MFHAS1: variants seen among roughly 807,000 people sequenced by gnomAD.
MFHAS1 encodes the protein multifunctional ROCO family signaling regulator 1, also known as malignant fibrous histiocytoma-amplified sequence 1.
In MFHAS1, 50 loss-of-function variants were observed where a neutral mutation model predicts 70.4. That is an observed-to-expected ratio of 0.71 (90% confidence interval 0.57 to 0.90). The LOEUF (loss-of-function observed/expected upper bound fraction) is 0.90. Among genes scored for constraint, MFHAS1 ranks in the 40% least tolerant of loss-of-function variants. The pLI, the probability that MFHAS1 is intolerant of heterozygous loss-of-function variation, is 0.00. For missense variants in MFHAS1, 1,795 were observed against 1,347.6 expected (o/e 1.33, Z -5.20); for synonymous variants, 952 against 620.0 (o/e 1.54, Z -7.96).
chr8:8,888,351 C>A (rs1175340616), intron 1 of MFHAS1, among the ~76,000 whole-genome samples: 3 of 152,144 alleles, frequency 2.0e-5, no homozygotes, highest in Admixed American at 2.0e-4. Flanking sequence ...CTGACCAGGA[C>A]AAAGATCAGA....
At chr8:8,797,310 A>G (rs2117258183) in intron 2 of MFHAS1, 55 bp downstream of exon 2, 1 of 1,601,946 alleles carries the variant, frequency 6.2e-7, no homozygotes, top group Non-Finnish European at 8.5e-7. Context: ...GGTCATATCT[A>G]TGGAGCTGGG....
intron 1 of MFHAS1, among the ~76,000 whole-genome samples, chr8:8,815,860 C>G (rs560372758): frequency 2.0e-5 from 3 of 152,256 alleles, no homozygotes; most frequent in African/African-American, 7.2e-5. Flanking sequence ...GCAGCTTCAT[C>G]TGAAGTAGTC....
At chr8:8,863,717 G>T (rs1485412068) in intron 1 of MFHAS1, among the ~76,000 whole-genome samples, 1 of 152,118 alleles carries the variant, frequency 6.6e-6, no homozygotes, top group African/African-American at 2.4e-5. Context: ...TTCACTAAGA[G>T]TCTGGCCCTT....
At chr8:8,845,363 CAT>C (rs1807993614) in intron 1 of MFHAS1, among the ~76,000 whole-genome samples, 1 of 152,188 alleles carries the variant, frequency 6.6e-6, no homozygotes. Flanking sequence ...AGCAGAAAAT[CAT>C]ATTCCTTTTC....
At chr8:8,828,809 G>A (rs938854405) in intron 1 of MFHAS1, among the ~76,000 whole-genome samples, 2 of 152,204 alleles carry the variant, frequency 1.3e-5, no homozygotes, top group African/African-American at 4.8e-5. Flanking sequence ...CAAAAGTGGA[G>A]AACTGAGGGG....
intron 1 of MFHAS1, among the ~76,000 whole-genome samples, chr8:8,856,735 C>T (rs947681768): frequency 2.0e-5 from 3 of 152,022 alleles, no homozygotes; most frequent in African/African-American, 7.3e-5. Flanking sequence ...CCCCATGGCA[C>T]TCAGCAGACC....
At position 8,869,425 on chromosome 8, in the gene MFHAS1, TC is replaced by T. The variant is rs576179455; in HGVS notation, c.2998+20635del. Among the ~76,000 whole-genome samples, 24 of 152,342 alleles carry T rather than the reference TC, an allele frequency of 1.6e-4. No homozygotes were observed. In the East Asian group the frequency reaches 4.6e-3, roughly 29 times the overall value. ...AGCACGCGACAATCAGCATCATTTA[TC>T]TTTGCGGTATTTTAAAGCGGTGACA... On this transcript the variant is annotated intron_variant, in intron 1 of 2. Transcript: ENST00000276282.
chr8:8,886,676 A>C (rs967875422), intron 1 of MFHAS1, among the ~76,000 whole-genome samples: 1 of 152,192 alleles, frequency 6.6e-6, no homozygotes, highest in Non-Finnish European at 1.5e-5. Flanking sequence ...TTTACTATTT[A>C]CTTTTACTGT....
intron 1 of MFHAS1, among the ~76,000 whole-genome samples, chr8:8,867,929 C>T (rs995110275): frequency 6.6e-6 from 1 of 152,142 alleles, no homozygotes; most frequent in African/African-American, 2.4e-5. Context: ...TGTTTAACTC[C>T]ATTCTTCATT....
chr8:8,829,149 C>A lies in MFHAS1; in HGVS notation c.2999-31658G>T, dbSNP rs911626323. On this transcript the variant is annotated intron_variant, in intron 1 of 2. Transcript: ENST00000276282. The stretch of plus-strand genomic sequence containing the variant: ...ATCAAACTTTTCAGGGACCCCAATA[C>A]GTCACCTCTCATGCCTCTGCTAAGC... Among the ~76,000 whole-genome samples the A allele has an allele frequency of 9.2e-5, 14 of 152,324 alleles. No individual in the cohort carries two copies. The South Asian group carries it at 1.4e-3, about 16-fold the overall frequency.
chr8:8,890,665 C>G lies in MFHAS1; in HGVS notation c.2394G>C (p.Leu798Phe), dbSNP rs777893240. 1.8e-5 allele frequency: 29 copies of G among 1,613,440 alleles called. No individual in the cohort carries two copies. The highest frequency in any genetic ancestry group is 2.5e-5 in the Non-Finnish European group (29 of 1,179,580). The change falls in exon 1 of 3, where the codon TTG becomes TTC. Residue 798 changes from leucine to phenylalanine, a missense_variant. Physicochemically the swap from Leu to Phe is conservative, Grantham distance 22. Transcript: ENST00000276282. ...GCAGCAACCGAATGACATGAGCTGG[C>G]AAGAGCCCATGCAACAGAAAGCCCT... ...YVEGFLLHGL[L>F]PAHVIRLLLK...
Position 8,785,880 on chromosome 8 carries a change from C to G in MFHAS1, c.*142G>C. On this transcript the variant is annotated 3_prime_UTR_variant, in exon 3 of 3. Coordinates refer to ENST00000276282, the MANE Select transcript of MFHAS1 (RefSeq NM_004225.3). ...CCTCCCCACCTCTTCCCCAGTCGTC[C>G]AAAAAGCACCCTGCAAGCACGCGTT... 1.3e-6 allele frequency: 1 copy of G among 768,190 alleles called. No homozygotes were observed. Among genetic ancestry groups the G allele is most frequent in the Non-Finnish European group, 2.2e-6 (1 of 449,856 alleles). 47.6% of individuals were successfully genotyped at this position (768,190 alleles called of 1,614,324 possible). A position where few individuals can be genotyped will look rare whatever the true frequency, so the allele number is the denominator to read the frequency against.
intron 1 of MFHAS1, among the ~76,000 whole-genome samples, chr8:8,857,812 T>C (rs1396949932): frequency 1.3e-5 from 2 of 152,106 alleles, no homozygotes; most frequent in Non-Finnish European, 2.9e-5. Flanking sequence ...GATATATAAC[T>C]GTCCTACAGT....
At chr8:8,870,908 C>A (rs1809051040) in intron 1 of MFHAS1, among the ~76,000 whole-genome samples, 1 of 152,328 alleles carries the variant, frequency 6.6e-6, no homozygotes, top group East Asian at 1.9e-4. Flanking sequence ...GCATTTCACA[C>A]AAGGAGTCCT....
chr8:8,811,887 C>T (rs888948373), intron 1 of MFHAS1, among the ~76,000 whole-genome samples: 7 of 152,332 alleles, frequency 4.6e-5, no homozygotes, highest in Middle Eastern at 3.4e-3. Context: ...CCAGAGTCCA[C>T]ACCCTCTTCT....
At chr8:8,885,863 C>A (rs1196586233) in intron 1 of MFHAS1, among the ~76,000 whole-genome samples, 1 of 152,208 alleles carries the variant, frequency 6.6e-6, no homozygotes, top group Non-Finnish European at 1.5e-5. Flanking sequence ...GCATGAGCCA[C>A]CATGCCCAGC....
At chr8:8,835,637 G>A (rs1563196742) in intron 1 of MFHAS1, among the ~76,000 whole-genome samples, 1 of 152,130 alleles carries the variant, frequency 6.6e-6, no homozygotes, top group Non-Finnish European at 1.5e-5. Flanking sequence ...TATTTATAAA[G>A]CTTTTCTCTC....
At chr8:8,855,040 G>C (rs993148617) in intron 1 of MFHAS1, among the ~76,000 whole-genome samples, 1 of 152,158 alleles carries the variant, frequency 6.6e-6, no homozygotes, top group African/African-American at 2.4e-5. Flanking sequence ...CTGTCAAGAA[G>C]CTGGGACCAC....
At position 8,891,294 on chromosome 8, in the gene MFHAS1, C is replaced by G. The variant is rs1284139979; in HGVS notation, c.1765G>C (p.Ala589Pro). ...CCATAGTAGGCTGCGTGGGGGCTGG[C>G]AGAGCGCAGCTCGAAGTCCCGGGCC... ...ALARDFELRS[A>P]SPHAAYYGVS... Residue 589 changes from alanine to proline, a missense_variant, in exon 1 of 3, where the codon GCC (alanine) becomes CCC (proline). Physicochemically the swap from Ala to Pro is conservative, Grantham distance 27 (BLOSUM62 -1). Coordinates refer to ENST00000276282, the MANE Select transcript of MFHAS1 (RefSeq NM_004225.3). This position sits in a 1 kb window ranked among gnomAD's most constrained non-coding sequence, Gnocchi z 5.4. The G allele has an allele frequency of 2.5e-6, 4 of 1,611,578 alleles. No individual in the cohort carries two copies. Among genetic ancestry groups the G allele is most frequent in the Non-Finnish European group, 3.4e-6 (4 of 1,180,026 alleles).
Sources: gnomAD v4.1 joint callset for allele counts (sites outside exome capture counted in the v4.1 genomes callset) on GRCh38, gnomAD v4.1.1 for gene constraint, Gnocchi (gnomAD v3.1) non-coding constraint, MANE v1.5 for transcripts, NCBI Gene and HGNC (gene_info 2026-07-23, HGNC 2026-07-21) for gene names.